Variants in CHODL observed in about 807,000 individuals in gnomAD.
The protein encoded by CHODL is chondrolectin, also known as transmembrane protein MT75.
CHODL carries 29 observed loss-of-function variants against 34.5 expected under a neutral mutation model. The ratio of observed to expected loss-of-function variants is 0.84; its 90% CI spans 0.63 to 1.15. CHODL has a LOEUF of 1.15. CHODL is among the 50% of genes most tolerant of loss of function. CHODL has a pLI of 0.00. For synonymous variants in CHODL, 125 were observed against 116.1 expected (o/e 1.08, Z -0.49); for missense variants, 332 against 332.5 (o/e 1.00, Z 0.01).
At chr21:18,003,701 C>G (rs573103389) in intron 1 of CHODL, among the ~76,000 whole-genome samples, 46 of 152,138 alleles carry the variant, frequency 3.0e-4, no homozygotes, top group Admixed American at 2.0e-3. Context: ...GTCTCTCTCT[C>G]TTTTTTAAAG....
chr21:18,065,944 A>G (rs113504933), intron 2 of CHODL, among the ~76,000 whole-genome samples: 86 of 152,314 alleles, frequency 5.6e-4, no homozygotes, highest in South Asian at 5.0e-3. Flanking sequence ...AAACAACCAA[A>G]TCCAATTTAG....
intron 2 of CHODL, among the ~76,000 whole-genome samples, chr21:18,059,968 T>C (rs1336736198): frequency 2.0e-5 from 3 of 152,194 alleles, no homozygotes; most frequent in Non-Finnish European, 4.4e-5. Flanking sequence ...TTCCGTTCAT[T>C]ATTCCACTGA....
intron 2 of CHODL, among the ~76,000 whole-genome samples, chr21:18,200,170 T>C (rs1417584951): frequency 6.6e-6 from 1 of 152,182 alleles, no homozygotes; most frequent in African/African-American, 2.4e-5. Context: ...TAGTGTTGAT[T>C]TGGGTATTTT....
intron 2 of CHODL, among the ~76,000 whole-genome samples, chr21:18,143,119 C>T (rs910621422): frequency 1.3e-5 from 2 of 152,058 alleles, no homozygotes; most frequent in Non-Finnish European, 2.9e-5. Context: ...TCCAGTAAAT[C>T]CTAGAGGGAA....
chr21:18,093,502 CA>C (rs1568882422), intron 2 of CHODL, among the ~76,000 whole-genome samples: 1 of 67,292 alleles, frequency 1.5e-5, no homozygotes, highest in Non-Finnish European at 6.1e-5. Context: ...AATTATGAAC[CA>C]ATCAAAAAGA....
At chr21:18,240,468 T>C (rs1168046802), upstream of CHODL, among the ~76,000 whole-genome samples, 2 of 152,156 alleles carry the variant, frequency 1.3e-5, no homozygotes, top group African/African-American at 4.8e-5. Context: ...ATGTTTCTGC[T>C]AGCCAAATAA....
At chr21:18,146,134 A>ATTTTTTTTTTTTT (rs574946951) in intron 2 of CHODL, among the ~76,000 whole-genome samples, 1 of 139,558 alleles carries the variant, frequency 7.2e-6, no homozygotes, top group Non-Finnish European at 1.5e-5. Flanking sequence ...CGCCCGGTTA[A>ATTTTTTTTTTTTT]TTTTTTTTTT....
chr21:18,123,589 C>T (rs2065506665), intron 2 of CHODL, among the ~76,000 whole-genome samples: 2 of 152,004 alleles, frequency 1.3e-5, no homozygotes, highest in Middle Eastern at 3.2e-3. Context: ...GCATGCATGG[C>T]AGAGAGAGGA....
At chr21:18,201,484 T>A (rs1009239494) in intron 2 of CHODL, among the ~76,000 whole-genome samples, 1 of 152,016 alleles carries the variant, frequency 6.6e-6, no homozygotes, top group Admixed American at 6.5e-5. Flanking sequence ...AGACTTCTAG[T>A]TTGAAGGCCA....
intron 1 of CHODL, among the ~76,000 whole-genome samples, chr21:17,927,102 GTGTATGTATATATGTATATATGTATATA>G (rs1337437493): frequency 7.3e-6 from 1 of 136,584 alleles, no homozygotes; most frequent in Non-Finnish European, 1.5e-5. Flanking sequence ...GTATATCTGT[GTGTATGTATATATGTATATATGTATATA>G]TATGTATATA....
chr21:18,163,625 C>G (rs1350578080), intron 2 of CHODL, among the ~76,000 whole-genome samples: 1 of 151,986 alleles, frequency 6.6e-6, no homozygotes, highest in Non-Finnish European at 1.5e-5. Context: ...TTACTTAAAC[C>G]TAAGAGTGTC....
In CHODL at chr21:17,927,142, G is replaced by GTA. The variant is rs1235899846; in HGVS notation, c.-145+9748_-145+9749dup. On this transcript the variant is annotated intron_variant, in intron 1 of 6. Transcript: ENST00000400127. ...TATATATGTATATATATGTATATAT[G>GTA]TATATATGTATATATATGTATATAT... Among the ~76,000 whole-genome samples the GTA allele has an allele frequency of 6.8e-3, 637 of 93,420 alleles. 9 individuals carry two copies. The highest frequency in any genetic ancestry group is 0.024 in the African/African-American group (577 of 24,444). The allele number at this position is 93,420 out of a possible 152,430, so 61.3% of individuals were successfully genotyped here.
intron 2 of CHODL, among the ~76,000 whole-genome samples, chr21:18,191,323 A>G (rs992915904): frequency 2.0e-5 from 3 of 152,104 alleles, no homozygotes; most frequent in African/African-American, 7.2e-5. Flanking sequence ...CATAGGCCAA[A>G]TTTTGCTGAG....
Position 18,245,140 on chromosome 21 carries a change from G to A in CHODL, c.-84G>A. 8.3e-7 allele frequency: 1 copy of A among 1,205,452 alleles called. No individual in the cohort carries two copies. The highest frequency in any genetic ancestry group is 1.1e-6 in the Non-Finnish European group (1 of 890,704). The allele number at this position is 1,205,452 out of a possible 1,614,324, so 74.7% of individuals were successfully genotyped here. A position where few individuals can be genotyped will look rare whatever the true frequency, so the allele number is the denominator to read the frequency against. Reference sequence around the variant, plus strand: ...TAGGGCCCGGCAGGGAGGCAGGGAGGCTGCAGAGTCAGAGTCGCGGGCTGC... The same window carrying A: ...TAGGGCCCGGCAGGGAGGCAGGGAGACTGCAGAGTCAGAGTCGCGGGCTGC... On this transcript the variant is annotated 5_prime_UTR_variant, in exon 1 of 6. Coordinates refer to ENST00000299295, the MANE Select transcript of CHODL (RefSeq NM_024944.3).
intron 1 of CHODL, among the ~76,000 whole-genome samples, chr21:17,919,302 T>C (rs906871944): frequency 6.6e-6 from 1 of 152,134 alleles, no homozygotes; most frequent in Non-Finnish European, 1.5e-5. Flanking sequence ...ACTCTGCCCC[T>C]GCAGCAAACT....
At chr21:17,946,145 C>T (rs1031406217) in intron 1 of CHODL, among the ~76,000 whole-genome samples, 14 of 152,222 alleles carry the variant, frequency 9.2e-5, no homozygotes, top group South Asian at 6.2e-4. Flanking sequence ...AGGTTGGGCG[C>T]GGTGGCTCAC....
At chr21:17,918,846 C>A (rs2063161674) in intron 1 of CHODL, among the ~76,000 whole-genome samples, 1 of 152,198 alleles carries the variant, frequency 6.6e-6, no homozygotes, top group Admixed American at 6.5e-5. Context: ...TTCCTAGATA[C>A]AATGGCGGTA....
intron 2 of CHODL, among the ~76,000 whole-genome samples, chr21:18,189,198 C>G (rs899207937): frequency 1.3e-5 from 2 of 152,168 alleles, no homozygotes; most frequent in African/African-American, 4.8e-5. Flanking sequence ...ACATGACTAA[C>G]TTTCATTTCT....
intron 1 of CHODL, among the ~76,000 whole-genome samples, chr21:17,975,600 C>T (rs1381787104): frequency 6.6e-6 from 1 of 152,134 alleles, no homozygotes; most frequent in Non-Finnish European, 1.5e-5. Context: ...TCCTCAAACC[C>T]ACTCTTTTTC....
Sources: allele counts gnomAD v4.1 joint callset (sites outside exome capture counted in the v4.1 genomes callset), GRCh38; gene constraint gnomAD v4.1.1; transcripts MANE v1.5; gene names NCBI Gene and HGNC (gene_info 2026-07-23, HGNC 2026-07-21).